Variants in HERC1 observed in about 807,000 individuals in gnomAD.
HERC1 encodes HECT and RLD domain containing E3 ubiquitin protein ligase family member 1, also known as probable E3 ubiquitin-protein ligase HERC1.
HERC1 carries 160 observed loss-of-function variants against 554.3 expected under a neutral mutation model. The ratio of observed to expected loss-of-function variants is 0.29; its 90% CI spans 0.25 to 0.33. The LOEUF (loss-of-function observed/expected upper bound fraction) is 0.33. Among genes scored for constraint, HERC1 ranks in the 10% least tolerant of loss-of-function variants. The pLI is 1.00. For missense variants in HERC1, 4,919 were observed against 5,918.5 expected (o/e 0.83, Z 5.54); for synonymous variants, 2,175 against 2,131.7 (o/e 1.02, Z -0.56).
At chr15:63,681,260 A>T (rs2071463933) in intron 34 of HERC1, among the ~76,000 whole-genome samples, 1 of 152,116 alleles carries the variant, frequency 6.6e-6, no homozygotes, top group Non-Finnish European at 1.5e-5. Context: ...GGAGTACAGT[A>T]GCATGATCAT....
Position 63,656,428 on chromosome 15 carries a change from A to T in HERC1, c.9600-70T>A, listed in dbSNP as rs928187711. On this transcript the variant is annotated intron_variant, in intron 48 of 77. Transcript: ENST00000443617. The stretch of plus-strand genomic sequence containing the variant: ...TTCTTAAGGGACCATTTGCAGTCCC[A>T]CATAACATTCACAGCATCAACAACC... 5 of 1,315,056 alleles carry T rather than the reference A, an allele frequency of 3.8e-6. 1 individual carries two copies. In the Admixed American group the frequency reaches 9.3e-5, roughly 24 times the overall value. The allele number at this position is 1,315,056 out of a possible 1,614,324, so 81.5% of individuals were successfully genotyped here.
intron 1 of HERC1, among the ~76,000 whole-genome samples, chr15:63,819,768 T>C (rs1266022645): frequency 6.6e-6 from 1 of 152,182 alleles, no homozygotes; most frequent in African/African-American, 2.4e-5. Context: ...ACTATGTCAT[T>C]GAGGCTGGCC....
chr15:63,643,094 A>G, intron 58 of HERC1, 36 bp from the exon 59 acceptor site: 1 of 1,208,374 alleles, frequency 8.3e-7, no homozygotes, highest in East Asian at 2.4e-5. Context: ...CACACCATTG[A>G]ACTGTAGGTA....
At chr15:63,690,668 T>C (rs1567017983) in intron 31 of HERC1, 21 bp from the exon 32 acceptor site, 1 of 1,390,684 alleles carries the variant, frequency 7.2e-7, no homozygotes, top group Non-Finnish European at 1.0e-6. Flanking sequence ...AAAGACCTTT[T>C]CTTATTATCA....
intron 30 of HERC1, among the ~76,000 whole-genome samples, chr15:63,693,277 T>C (rs1441262925): frequency 1.3e-5 from 2 of 149,406 alleles, no homozygotes; most frequent in East Asian, 3.9e-4. Flanking sequence ...AGGCTCTCGC[T>C]CTGTCATCCA....
intron 18 of HERC1, among the ~76,000 whole-genome samples, chr15:63,723,714 T>C (rs2073920146): frequency 6.6e-6 from 1 of 152,240 alleles, no homozygotes; most frequent in Non-Finnish European, 1.5e-5. Flanking sequence ...AACCAACGCG[T>C]TCAAAATGGA....
intron 37 of HERC1, among the ~76,000 whole-genome samples, chr15:63,676,810 T>C (rs995296042): frequency 3.3e-5 from 5 of 152,180 alleles, no homozygotes; most frequent in Admixed American, 2.0e-4. Flanking sequence ...TTCTATGTCA[T>C]ACCAACATGT....
At chr15:63,619,876 C>T (rs976705597) in intron 74 of HERC1, among the ~76,000 whole-genome samples, 1 of 151,674 alleles carries the variant, frequency 6.6e-6, no homozygotes, top group Non-Finnish European at 1.5e-5. Flanking sequence ...CTATTTGATT[C>T]TTCTCTCTTT....
At chr15:63,672,458 G>C (rs1284290204) in intron 39 of HERC1, 38 bp downstream of exon 39, 1 of 1,434,794 alleles carries the variant, frequency 7.0e-7, no homozygotes, top group South Asian at 1.3e-5. Flanking sequence ...AGAAACACAG[G>C]CATCAGTATG....
At chr15:63,826,814 A>ATATAT (rs10524877) in intron 1 of HERC1, among the ~76,000 whole-genome samples, 1 of 22,256 alleles carries the variant, frequency 4.5e-5, no homozygotes, top group Non-Finnish European at 9.2e-5. Flanking sequence ...AAAAAAAAAA[A>ATATAT]ATATATATAT....
intron 30 of HERC1, among the ~76,000 whole-genome samples, chr15:63,693,610 T>C (rs1313176838): frequency 1.3e-5 from 2 of 152,080 alleles, no homozygotes; most frequent in Non-Finnish European, 2.9e-5. Flanking sequence ...AGAGATGGCT[T>C]GTCAGGATCA....
intron 54 of HERC1, 84 bp downstream of exon 54, chr15:63,649,641 T>G: frequency 9.5e-7 from 1 of 1,056,296 alleles, no homozygotes; most frequent in Middle Eastern, 2.1e-4. Flanking sequence ...ATTCACTTGG[T>G]ATTTTTAAAA....
chr15:63,672,711 A>T lies in HERC1; in HGVS notation c.7847-17T>A, dbSNP rs1318860587. ...GATCAATCTCTAGAAACCAAAAAAAAGGTTAAGAAAGTAGTAAGGATTTGT... is the reference window on the plus strand; with the variant it reads ...GATCAATCTCTAGAAACCAAAAAAATGGTTAAGAAAGTAGTAAGGATTTGT... On this transcript the variant is annotated splice_polypyrimidine_tract_variant and intron_variant, in intron 38 of 77. Coordinates refer to ENST00000443617, the MANE Select transcript of HERC1 (RefSeq NM_003922.4). The T allele has an allele frequency of 1.3e-6, 2 of 1,538,476 alleles. No individual in the cohort carries two copies. The highest frequency in any genetic ancestry group is 1.2e-5 in the South Asian group (1 of 80,886).
chr15:63,649,546 G>C (rs1181244757), intron 54 of HERC1, among the ~76,000 whole-genome samples, 179 bp downstream of exon 54: 1 of 152,046 alleles, frequency 6.6e-6, no homozygotes, highest in Non-Finnish European at 1.5e-5. Flanking sequence ...GTGTGGTGGG[G>C]GCTAGGAGAT....
At chr15:63,617,194 T>C (rs2067858256) in intron 74 of HERC1, among the ~76,000 whole-genome samples, 1 of 152,208 alleles carries the variant, frequency 6.6e-6, no homozygotes, top group Non-Finnish European at 1.5e-5. Flanking sequence ...CAGTGTGTGA[T>C]GTTCCCCTTC....
chr15:63,719,567 C>A (rs2073721029), intron 19 of HERC1, among the ~76,000 whole-genome samples: 1 of 152,210 alleles, frequency 6.6e-6, no homozygotes, highest in South Asian at 2.1e-4. Context: ...TTTGAAAGCT[C>A]ACTCTGCTGA....
chr15:63,638,177 C>G (rs921768251), intron 63 of HERC1, among the ~76,000 whole-genome samples: 1 of 152,178 alleles, frequency 6.6e-6, no homozygotes. Flanking sequence ...AGGCCTAACA[C>G]ATCATGATGT....
intron 23 of HERC1, 83 bp downstream of exon 23, chr15:63,713,270 A>T (rs2153125687): frequency 1.7e-6 from 2 of 1,171,838 alleles, no homozygotes; most frequent in East Asian, 4.7e-5. Flanking sequence ...AGAACACTGT[A>T]ACTTTGGAAA....
chr15:63,806,165 G>A (rs1207801844), intron 1 of HERC1, among the ~76,000 whole-genome samples: 1 of 145,328 alleles, frequency 6.9e-6, no homozygotes, highest in African/African-American at 2.5e-5. Flanking sequence ...AACACAAGTG[G>A]TTTTTTTTTT....
Sources: gnomAD v4.1 joint callset for allele counts (sites outside exome capture counted in the v4.1 genomes callset) on GRCh38, gnomAD v4.1.1 for gene constraint, MANE v1.5 for transcripts, NCBI Gene and HGNC (gene_info 2026-07-23, HGNC 2026-07-21) for gene names.